Variants in CTIF observed in about 807,000 individuals in gnomAD.
CTIF encodes CBP80/20-dependent translation initiation factor.
A neutral mutation model predicts 66.0 loss-of-function variants in CTIF; 21 were observed. That is an observed-to-expected ratio of 0.32 (90% CI 0.23 to 0.46). The LOEUF (loss-of-function observed/expected upper bound fraction) is 0.46, where lower values mean the gene tolerates loss of function less well. Ranked by LOEUF, CTIF falls within the 20% of genes least tolerant of loss-of-function variation. The pLI is 1.00. For synonymous variants in CTIF, 345 were observed against 326.4 expected, an observed-to-expected ratio of 1.06 and a Z score of -0.62; for missense variants, 739 against 812.7, an observed-to-expected ratio of 0.91 and a Z score of 1.10.
intron 10 of CTIF, among the ~76,000 whole-genome samples, chr18:48,818,742 C>A (rs1255069897): frequency 6.6e-6 from 1 of 152,010 alleles, no homozygotes; most frequent in Admixed American, 6.6e-5. Context: ...CCTCCCACCA[C>A]CGGCAGGCCT....
At chr18:48,831,336 CAA>C (rs1389058181) in intron 10 of CTIF, among the ~76,000 whole-genome samples, 1 of 152,232 alleles carries the variant, frequency 6.6e-6, no homozygotes, top group African/African-American at 2.4e-5. Flanking sequence ...TCAGTCTGTC[CAA>C]AGTCAGAATC....
chr18:48,838,353 C>G (rs1037138796), intron 10 of CTIF, among the ~76,000 whole-genome samples: 7 of 151,892 alleles, frequency 4.6e-5, no homozygotes, highest in Admixed American at 3.9e-4. Context: ...AGCCAGTGCC[C>G]TCCTAGAGTT....
intron 3 of CTIF, among the ~76,000 whole-genome samples, chr18:48,646,922 A>AC (rs1202962712): frequency 6.7e-6 from 1 of 150,230 alleles, no homozygotes; most frequent in Non-Finnish European, 1.5e-5. Flanking sequence ...AAAAAAAAAA[A>AC]AAACGAAACC....
intron 1 of CTIF, among the ~76,000 whole-genome samples, chr18:48,618,429 C>T (rs2090435428): frequency 1.3e-5 from 2 of 152,210 alleles, no homozygotes; most frequent in Admixed American, 1.3e-4. Context: ...CATGTGCAGA[C>T]TCTGTTTTCT....
chr18:48,776,856 C>T (rs555249004), intron 9 of CTIF, among the ~76,000 whole-genome samples: 4 of 152,292 alleles, frequency 2.6e-5, no homozygotes, highest in Admixed American at 1.3e-4. Context: ...AAAGGCTCGG[C>T]GTGGGAGGAG....
At chr18:48,833,617 T>C (rs1175318760) in intron 10 of CTIF, among the ~76,000 whole-genome samples, 1 of 152,026 alleles carries the variant, frequency 6.6e-6, no homozygotes, top group Non-Finnish European at 1.5e-5. Context: ...CTTTCACATT[T>C]TGAAAGGAGG....
At chr18:48,712,550 G>A (rs887137343) in intron 7 of CTIF, among the ~76,000 whole-genome samples, 3 of 152,128 alleles carry the variant, frequency 2.0e-5, no homozygotes, top group Non-Finnish European at 2.9e-5. Context: ...AAAAAAGAAC[G>A]AACAAAAAGG....
rs73957001 is a variant in CTIF at position 48,648,569 on chromosome 18, C to G, written c.252+11884C>G. Among the ~76,000 whole-genome samples, 532 of 152,202 alleles carry G rather than the reference C, an allele frequency of 3.5e-3. 1 individual carries two copies. Among genetic ancestry groups the G allele is most frequent in the African/African-American group, 0.012 (512 of 41,510 alleles). On this transcript the variant is annotated intron_variant, in intron 3 of 11. Transcript: ENST00000256413. ...TGGGTTCTGCCCCCTGACACCTCCC[C>G]CTGTGCTTTCCCCCTCAGTTGCTCT...
chr18:48,679,255 G>A (rs6507859), intron 6 of CTIF, among the ~76,000 whole-genome samples: 2,215 of 152,262 alleles, frequency 0.015, 57 homozygotes, highest in African/African-American at 0.052. Flanking sequence ...AAAGTTGGGG[G>A]TCATATACCT....
chr18:48,642,170 T>G (rs906174803), intron 3 of CTIF, among the ~76,000 whole-genome samples: 4 of 152,234 alleles, frequency 2.6e-5, no homozygotes, highest in African/African-American at 9.6e-5. Flanking sequence ...GCCCAGCAGA[T>G]GCGTCTGAGT....
rs745763446 is a variant in CTIF, at chr18:48,664,501, C to G, written c.381C>G (p.Arg127=). 1.9e-5 allele frequency: 30 copies of G among 1,613,380 alleles called. No individual in the cohort carries two copies. The highest frequency in any genetic ancestry group is 1.8e-4 in the Admixed American group (11 of 60,004). The part of the protein sequence containing the change: ...PEKLDFTQFH[R]KVRHTPKQPL... Reference sequence around the variant, plus strand: ...AGCTGGACTTCACCCAGTTCCACCGCAAAGTCCGACACACGCCCAAGCAGC... The same window carrying G: ...AGCTGGACTTCACCCAGTTCCACCGGAAAGTCCGACACACGCCCAAGCAGC... The change falls in exon 5 of 12, where the codon CGC becomes CGG. Residue 127 remains arginine, a synonymous_variant. Coordinates refer to ENST00000256413, the MANE Select transcript of CTIF (RefSeq NM_014772.3).
chr18:48,757,877 G>A (rs775296026), intron 7 of CTIF, 42 bp from the exon 8 acceptor site: 38 of 1,579,348 alleles, frequency 2.4e-5, no homozygotes, highest in South Asian at 1.5e-4. Context: ...TGACCAGCCC[G>A]CCCAGTGATC....
At chr18:48,744,660 A>G (rs1463184983) in intron 7 of CTIF, among the ~76,000 whole-genome samples, 2 of 152,124 alleles carry the variant, frequency 1.3e-5, no homozygotes, top group East Asian at 3.8e-4. Context: ...TTTCATAACC[A>G]CAATACAATT....
Position 48,708,248 on chromosome 18 carries a change from T to C in CTIF, c.508-3371T>C, listed in dbSNP as rs529704970. Among the ~76,000 whole-genome samples the C allele has an allele frequency of 2.0e-3, 312 of 152,362 alleles. 1 individual carries two copies. Among genetic ancestry groups the C allele is most frequent in the African/African-American group, 7.4e-3 (308 of 41,590 alleles). On this transcript the variant is annotated intron_variant, in intron 6 of 11. Transcript: ENST00000256413. ...TGCCAACCTGCATGAGCTGCACATC[T>C]GGTGACAGGTTTGTGACTCAGTACA...
intron 9 of CTIF, among the ~76,000 whole-genome samples, chr18:48,776,978 A>G (rs1327456342): frequency 6.6e-6 from 1 of 152,190 alleles, no homozygotes; most frequent in African/African-American, 2.4e-5. Context: ...CCCATAAAAC[A>G]TGGAGAGGTT....
intron 2 of CTIF, among the ~76,000 whole-genome samples, chr18:48,629,634 A>G (rs1320393260): frequency 7.4e-6 from 1 of 134,650 alleles, no homozygotes; most frequent in Non-Finnish European, 1.6e-5. Flanking sequence ...TATTGTTTAG[A>G]GCAAAAAAAA....
At chr18:48,782,694 C>G (rs1403382685) in intron 9 of CTIF, among the ~76,000 whole-genome samples, 1 of 152,236 alleles carries the variant, frequency 6.6e-6, no homozygotes, top group African/African-American at 2.4e-5. Flanking sequence ...CGGACAGGTC[C>G]TGGGGCTGGC....
intron 10 of CTIF, among the ~76,000 whole-genome samples, chr18:48,835,160 G>A (rs975125326): frequency 7.9e-5 from 12 of 152,212 alleles, no homozygotes; most frequent in South Asian, 2.1e-4. Flanking sequence ...CTGCCTCTGC[G>A]GGGTTCCCAG....
intron 1 of CTIF, among the ~76,000 whole-genome samples, chr18:48,601,443 CTGA>C (rs2090088891): frequency 6.6e-6 from 1 of 152,206 alleles, no homozygotes; most frequent in South Asian, 2.1e-4. Context: ...CATAGGCGAT[CTGA>C]TGGGAAAGCT....
Sources: allele counts gnomAD v4.1 joint callset (sites outside exome capture counted in the v4.1 genomes callset), GRCh38; gene constraint gnomAD v4.1.1; transcripts MANE v1.5; gene names NCBI Gene and HGNC (gene_info 2026-07-23, HGNC 2026-07-21).